ADAM29: variants seen among roughly 807,000 people sequenced by gnomAD.
ADAM29 encodes disintegrin and metalloproteinase domain-containing protein 29.
For synonymous variants in ADAM29, 367 were observed against 342.3 expected, an observed-to-expected ratio of 1.07 and a Z score of -0.80; for missense variants, 969 against 1,001.8, an observed-to-expected ratio of 0.97 and a Z score of 0.44.
chr4:174,958,155 C>A (rs910100812), intron 4 of ADAM29, among the ~76,000 whole-genome samples: 1 of 151,630 alleles, frequency 6.6e-6, no homozygotes, highest in African/African-American at 2.4e-5. Context: ...GTTCTATAAA[C>A]GTCAATTTGA....
chr4:174,962,249 T>C (rs149133952), intron 4 of ADAM29, among the ~76,000 whole-genome samples: 7,054 of 152,230 alleles, frequency 0.046, 308 homozygotes, highest in Admixed American at 0.14. Context: ...CAGTGGCTCA[T>C]GCCTGTAATC....
At chr4:174,924,327 A>G (rs1022076815) in intron 2 of ADAM29, among the ~76,000 whole-genome samples, 10 of 152,208 alleles carry the variant, frequency 6.6e-5, no homozygotes, top group African/African-American at 1.9e-4. Flanking sequence ...AAAAAATTGG[A>G]CAATACCAAT....
At chr4:174,925,992 TA>T (rs1219863259) in intron 2 of ADAM29, among the ~76,000 whole-genome samples, 2 of 152,236 alleles carry the variant, frequency 1.3e-5, no homozygotes, top group Admixed American at 6.5e-5. Flanking sequence ...CAAATCATTT[TA>T]AAAAAAATTG....
At position 174,977,710 on chromosome 4, in the gene ADAM29, C is replaced by T. The variant is rs377265673; in HGVS notation, c.2185C>T (p.Pro729Ser). 19 of 1,614,262 alleles carry T rather than the reference C, an allele frequency of 1.2e-5. No individual in the cohort carries two copies. The highest frequency in any genetic ancestry group is 2.2e-5 in the East Asian group (1 of 44,886). The change falls in exon 5 of 5, where the codon CCT (proline) becomes TCT (serine). Residue 729 changes from proline to serine, a missense_variant. Pro to Ser is a moderately conservative substitution (Grantham distance 74). Transcript: ENST00000359240. ...EKIQRRPHEL[P>S]PQSQPWVMPS... ...AATTCAGCGTCGACCTCATGAGTTA[C>T]CTCCCCAGAGTCAACCTTGGGTGAT...
At chr4:174,924,999 C>T (rs1376758425) in intron 2 of ADAM29, among the ~76,000 whole-genome samples, 1 of 152,194 alleles carries the variant, frequency 6.6e-6, no homozygotes, top group Non-Finnish European at 1.5e-5. Context: ...GGCACTTTCC[C>T]TTTGTGGCCT....
At chr4:174,926,531 A>T (rs747251253) in intron 2 of ADAM29, among the ~76,000 whole-genome samples, 9 of 152,018 alleles carry the variant, frequency 5.9e-5, no homozygotes, top group Non-Finnish European at 1.3e-4. Context: ...AAACAAGCTG[A>T]CCGGGGAGGA....
chr4:174,944,391 C>G (rs4596220), intron 4 of ADAM29, among the ~76,000 whole-genome samples: 41,233 of 152,084 alleles, frequency 0.27, 6,282 homozygotes, highest in Non-Finnish European at 0.35. Flanking sequence ...ATCTCACTCC[C>G]CAAGCTGTTG....
chr4:174,956,540 T>A (rs1243926053), intron 4 of ADAM29, among the ~76,000 whole-genome samples: 1 of 151,420 alleles, frequency 6.6e-6, no homozygotes, highest in Non-Finnish European at 1.5e-5. Flanking sequence ...AGAGAGAGAA[T>A]AATGAATAAG....
In ADAM29 at chr4:174,966,313, A is replaced by T. The variant is rs140947388; in HGVS notation, c.-180-9033A>T. Among the ~76,000 whole-genome samples the T allele has an allele frequency of 3.8e-3, 585 of 152,312 alleles. 5 individuals are homozygous for T. The highest frequency in any genetic ancestry group is 0.017 in the Middle Eastern group (5 of 294). On this transcript the variant is annotated intron_variant, in intron 4 of 4. Coordinates refer to ENST00000359240, the MANE Select transcript of ADAM29 (RefSeq NM_014269.4). ...ATATTCATTCCATTTTAACAGCCGC[A>T]TGAGCCTTAATTCATTTCAGCATCA...
intron 3 of ADAM29, 135 bp from the exon 4 acceptor site, chr4:174,936,798 G>A (rs1744227924): frequency 6.6e-6 from 1 of 151,698 alleles, no homozygotes; most frequent in Non-Finnish European, 1.5e-5. Context: ...ATCACTAAGT[G>A]CTATCCTAGG....
At chr4:174,928,624 G>A (rs950427204) in intron 2 of ADAM29, among the ~76,000 whole-genome samples, 17 of 150,514 alleles carry the variant, frequency 1.1e-4, no homozygotes, top group African/African-American at 4.1e-4. Flanking sequence ...TGCAGAGGGA[G>A]GCAAGACTAT....
chr4:174,947,035 A>T (rs944374829), intron 4 of ADAM29, among the ~76,000 whole-genome samples: 1 of 151,900 alleles, frequency 6.6e-6, no homozygotes, highest in Non-Finnish European at 1.5e-5. Flanking sequence ...GTTCATAGAG[A>T]TGTTTTTAAT....
intron 4 of ADAM29, among the ~76,000 whole-genome samples, chr4:174,955,844 G>T (rs1047663524): frequency 6.6e-6 from 1 of 151,954 alleles, no homozygotes; most frequent in African/African-American, 2.4e-5. Flanking sequence ...AGGAAGCTTT[G>T]ACTTCAGGAA....
chr4:174,953,520 T>C (rs1745309037), intron 4 of ADAM29, among the ~76,000 whole-genome samples: 1 of 152,128 alleles, frequency 6.6e-6, no homozygotes, highest in South Asian at 2.1e-4. Context: ...AGCATGAAAC[T>C]CACATAATAT....
At chr4:174,936,256 C>T (rs4352456) in intron 3 of ADAM29, among the ~76,000 whole-genome samples, 134,593 of 151,974 alleles carry the variant, frequency 0.89, 59,942 homozygotes, top group East Asian at 0.96. Context: ...CAAATAAAAG[C>T]AAAAAGTGAA....
chr4:174,955,544 A>C (rs1056524986), intron 4 of ADAM29, among the ~76,000 whole-genome samples: 1 of 152,036 alleles, frequency 6.6e-6, no homozygotes, highest in Non-Finnish European at 1.5e-5. Flanking sequence ...TTAAATTATT[A>C]GGGGCAATAA....
At chr4:174,943,292 TC>T (rs1269478233) in intron 4 of ADAM29, among the ~76,000 whole-genome samples, 12 of 152,352 alleles carry the variant, frequency 7.9e-5, no homozygotes, top group Non-Finnish European at 1.5e-4. Context: ...AAAGTCACTT[TC>T]ACATTTTCAA....
chr4:174,965,960 C>T (rs1746135131), intron 4 of ADAM29, among the ~76,000 whole-genome samples: 1 of 152,208 alleles, frequency 6.6e-6, no homozygotes, highest in African/African-American at 2.4e-5. Context: ...AAAATACAGT[C>T]ATCCCTTGAT....
intron 4 of ADAM29, among the ~76,000 whole-genome samples, chr4:174,945,365 C>A (rs1579038326): frequency 6.6e-6 from 1 of 151,970 alleles, no homozygotes; most frequent in East Asian, 1.9e-4. Context: ...TGCTAATCTG[C>A]TTAATTTCCA....
Sources: allele counts gnomAD v4.1 joint callset (sites outside exome capture counted in the v4.1 genomes callset), GRCh38; gene constraint gnomAD v4.1.1; transcripts MANE v1.5; gene names NCBI Gene and HGNC (gene_info 2026-07-23, HGNC 2026-07-21).